Variants in SLC60A2 observed in about 807,000 individuals in gnomAD.
SLC60A2 encodes the protein major facilitator superfamily domain containing 4B.
chr6:111,275,818 A>G, the SLC60A2 span, among the ~76,000 whole-genome samples: 2 of 152,260 alleles, frequency 1.3e-5, no homozygotes, highest in African/African-American at 4.8e-5. Context: ...TAAATTGTAC[A>G]GTTCAGTGGC....
At chr6:111,273,116 A>G in the SLC60A2 span, among the ~76,000 whole-genome samples, 1 of 152,178 alleles carries the variant, frequency 6.6e-6, no homozygotes, top group African/African-American at 2.4e-5. Context: ...AGAAATGATT[A>G]TATTTTGGTC....
chr6:111,274,081 C>T, the SLC60A2 span, among the ~76,000 whole-genome samples: 1 of 152,104 alleles, frequency 6.6e-6, no homozygotes, highest in Admixed American at 6.5e-5. Flanking sequence ...GTCTCAAACT[C>T]CTGGGCTCAA....
At chr6:111,259,633 C>G in the SLC60A2 span, 2 of 1,516,368 alleles carry the variant, frequency 1.3e-6, no homozygotes, top group African/African-American at 1.4e-5. Context: ...GAGCCGGAGC[C>G]GGAGGTGGTG....
chr6:111,263,082 T>G, the SLC60A2 span, among the ~76,000 whole-genome samples: 1 of 152,146 alleles, frequency 6.6e-6, no homozygotes, highest in East Asian at 1.9e-4. Flanking sequence ...GGACCACAGG[T>G]GTGAGCCACC....
At chr6:111,259,594 T>C in the SLC60A2 span, 1 of 1,273,208 alleles carries the variant, frequency 7.9e-7, no homozygotes. Context: ...GGGCAGCGGC[T>C]CCTGCAGGCG....
At chr6:111,262,321 T>G in the SLC60A2 span, 1 of 1,613,986 alleles carries the variant, frequency 6.2e-7, no homozygotes, top group East Asian at 2.2e-5. Context: ...AACCGAAATA[T>G]CAGTAGTCTG....
At chr6:111,277,766 T>C in the SLC60A2 span, among the ~76,000 whole-genome samples, 1 of 152,238 alleles carries the variant, frequency 6.6e-6, no homozygotes, top group Non-Finnish European at 1.5e-5. Flanking sequence ...TTTGGGGTAA[T>C]TTTTGATTTA....
chr6:111,263,739 C>T, the SLC60A2 span: 1 of 635,734 alleles, frequency 1.6e-6, no homozygotes, highest in East Asian at 2.7e-5. Flanking sequence ...TTAAATTTGA[C>T]CTGATTTTGC....
At chr6:111,271,874 A>C in the SLC60A2 span, among the ~76,000 whole-genome samples, 8 of 147,440 alleles carry the variant, frequency 5.4e-5, no homozygotes, top group Admixed American at 5.5e-4. Flanking sequence ...AGGCTGAGGC[A>C]CGAGAATCAC....
the SLC60A2 span, among the ~76,000 whole-genome samples, chr6:111,265,705 G>A: frequency 6.6e-5 from 10 of 152,026 alleles, no homozygotes; most frequent in Non-Finnish European, 1.2e-4. Flanking sequence ...GGTGGTAGTG[G>A]GTTAGAATTC....
At chr6:111,271,059 A>T in the SLC60A2 span, 10 of 149,202 alleles carry the variant, frequency 6.7e-5, no homozygotes, top group African/African-American at 2.2e-4. Context: ...TATGTCCCTT[A>T]TCACTGTGCC....
At chr6:111,271,796 A>AAAAAAAAAAAAAAAAAAT in the SLC60A2 span, among the ~76,000 whole-genome samples, 1 of 106,846 alleles carries the variant, frequency 9.4e-6, no homozygotes, top group Non-Finnish European at 2.1e-5. Context: ...AAAAAAAAAA[A>AAAAAAAAAAAAAAAAAAT]AAAAAAAAAA....
the SLC60A2 span, chr6:111,267,105 G>C: frequency 6.2e-7 from 1 of 1,606,828 alleles, no homozygotes; most frequent in Non-Finnish European, 8.5e-7. Flanking sequence ...CAGGACAAAA[G>C]GGACTAACGT....
the SLC60A2 span, chr6:111,262,169 CTT>C: frequency 2.1e-5 from 22 of 1,068,572 alleles, no homozygotes; most frequent in Middle Eastern, 2.3e-4. Flanking sequence ...CTCCGCCCCC[CTT>C]TTTTTTTATA....
chr6:111,272,412 ATCT>A, the SLC60A2 span, among the ~76,000 whole-genome samples: 1 of 152,064 alleles, frequency 6.6e-6, no homozygotes, highest in African/African-American at 2.4e-5. Flanking sequence ...AAAATTCCAC[ATCT>A]TGTGCTATAG....
chr6:111,279,452 G>C, the SLC60A2 span, among the ~76,000 whole-genome samples: 1 of 151,758 alleles, frequency 6.6e-6, no homozygotes, highest in African/African-American at 2.4e-5. Flanking sequence ...GTTTCACCAC[G>C]TTAGCCAGGA....
At chr6:111,268,288 A>C in the SLC60A2 span, 2 of 152,190 alleles carry the variant, frequency 1.3e-5, no homozygotes, top group Non-Finnish European at 2.9e-5. Context: ...CATTGATTCT[A>C]AGTTGCACTT....
At chr6:111,264,003 G>A in the SLC60A2 span, 1 of 902,472 alleles carries the variant, frequency 1.1e-6, no homozygotes, top group Non-Finnish European at 1.8e-6. Context: ...AAGAAGTACA[G>A]CAGATGATAC....
chr6:111,266,101 A>G, the SLC60A2 span: 2 of 1,614,140 alleles, frequency 1.2e-6, no homozygotes, highest in Non-Finnish European at 1.7e-6. Context: ...CCTAATGATA[A>G]GAATTTACTG....
Sources: gnomAD v4.1 joint callset for allele counts (sites outside exome capture counted in the v4.1 genomes callset) on GRCh38, gnomAD v4.1.1 for gene constraint, MANE v1.5 for transcripts, NCBI Gene and HGNC (gene_info 2026-07-23, HGNC 2026-07-21) for gene names.